The following ABCC4 variants were observed in gnomAD, a reference collection of about 807,000 sequenced individuals.
ABCC4 encodes the protein ATP binding cassette subfamily C member 4 (PEL blood group), also known as ATP-binding cassette sub-family C member 4.
Under a neutral mutation model 168.5 loss-of-function variants are expected in ABCC4, and 102 were observed. The observed-to-expected ratio is 0.61, with a 90% CI of 0.52 to 0.71. The LOEUF (loss-of-function observed/expected upper bound fraction) is 0.71. Ranked by LOEUF, ABCC4 falls within the 30% of genes least tolerant of loss-of-function variation. The pLI is 0.00. For synonymous variants in ABCC4, 617 were observed against 590.7 expected, an observed-to-expected ratio of 1.04 and a Z score of -0.65; for missense variants, 1,402 against 1,605.8, an observed-to-expected ratio of 0.87 and a Z score of 2.17.
intron 1 of ABCC4, among the ~76,000 whole-genome samples, chr13:95,272,278 T>C (rs150486098): frequency 0.025 from 3,251 of 128,162 alleles, 65 homozygotes; most frequent in Middle Eastern, 0.034. Flanking sequence ...ACTCCTGACC[T>C]CAGGTGATCC....
chr13:95,111,112 T>C (rs970433465), intron 20 of ABCC4, among the ~76,000 whole-genome samples: 2 of 152,230 alleles, frequency 1.3e-5, no homozygotes, highest in Non-Finnish European at 2.9e-5. Context: ...AATGCCAAAT[T>C]CCTATTCAAA....
intron 14 of ABCC4, among the ~76,000 whole-genome samples, chr13:95,168,077 A>G (rs936054240): frequency 3.3e-5 from 5 of 152,158 alleles, no homozygotes; most frequent in Non-Finnish European, 7.3e-5. Flanking sequence ...CATGTTGGCC[A>G]GGTTGGTCTC....
At chr13:95,057,871 T>C (rs540800312) in intron 26 of ABCC4, among the ~76,000 whole-genome samples, 1 of 152,350 alleles carries the variant, frequency 6.6e-6, no homozygotes, top group Non-Finnish European at 1.5e-5. Context: ...CAGTGTGTGG[T>C]GACACAAGCC....
chr13:95,293,345 C>T (rs1271218263), intron 1 of ABCC4, among the ~76,000 whole-genome samples: 1 of 151,518 alleles, frequency 6.6e-6, no homozygotes, highest in African/African-American at 2.4e-5. Context: ...GCGACAGAGA[C>T]TCCATCTCAA....
intron 26 of ABCC4, among the ~76,000 whole-genome samples, chr13:95,054,161 T>C (rs1409536600): frequency 6.6e-6 from 1 of 151,578 alleles, no homozygotes; most frequent in Admixed American, 6.6e-5. Flanking sequence ...TTATCTCATC[T>C]GTGCATCAAG....
intron 26 of ABCC4, among the ~76,000 whole-genome samples, chr13:95,057,527 C>T (rs148655494): frequency 0.016 from 2,502 of 152,196 alleles, 82 homozygotes; most frequent in African/African-American, 0.058. Flanking sequence ...CGTGAGCCAC[C>T]GTGCCCGGCC....
chr13:95,216,540 T>C (rs1386073654), intron 4 of ABCC4, among the ~76,000 whole-genome samples: 1 of 145,440 alleles, frequency 6.9e-6, no homozygotes, highest in Non-Finnish European at 1.5e-5. Context: ...CCCCTACATA[T>C]CGATATGAAT....
At chr13:95,096,208 A>G in intron 20 of ABCC4, 2 of 632,216 alleles carry the variant, frequency 3.2e-6, no homozygotes, top group Non-Finnish European at 5.6e-6. Flanking sequence ...AACATATTCA[A>G]TGGGCTGGCA....
chr13:95,246,154 GT>G (rs2040099797), intron 3 of ABCC4, among the ~76,000 whole-genome samples: 1 of 152,164 alleles, frequency 6.6e-6, no homozygotes, highest in Non-Finnish European at 1.5e-5. Flanking sequence ...GGTAACAGAG[GT>G]TATTGCCCTT....
intron 1 of ABCC4, among the ~76,000 whole-genome samples, chr13:95,287,026 C>A (rs928807101): frequency 6.6e-6 from 1 of 151,320 alleles, no homozygotes; most frequent in Non-Finnish European, 1.5e-5. Flanking sequence ...TGACCGGGCA[C>A]GATGGCTCAC....
chr13:95,209,894 C>A (rs936836860), intron 5 of ABCC4, among the ~76,000 whole-genome samples: 1 of 152,234 alleles, frequency 6.6e-6, no homozygotes, highest in Non-Finnish European at 1.5e-5. Context: ...CTCTCTGCCA[C>A]AGAATTCAGC....
chr13:95,064,260 GTATATATATATATATATATA>G (rs753635232), intron 25 of ABCC4, among the ~76,000 whole-genome samples: 1 of 21,506 alleles, frequency 4.6e-5, no homozygotes, highest in African/African-American at 2.2e-4. Flanking sequence ...GTGTGTGTGT[GTATATATATATATATATATA>G]TATATATATA....
intron 10 of ABCC4, among the ~76,000 whole-genome samples, 161 bp from the exon 11 acceptor site, chr13:95,187,053 T>C (rs372741871): frequency 1.1e-3 from 166 of 152,208 alleles, no homozygotes; most frequent in African/African-American, 3.6e-3. Context: ...AACATAATGG[T>C]CCACATAAAC....
chr13:95,061,361 CA>C (rs1566381500), intron 26 of ABCC4, among the ~76,000 whole-genome samples: 1 of 152,058 alleles, frequency 6.6e-6, no homozygotes, highest in East Asian at 1.9e-4. Flanking sequence ...TCACATCCTC[CA>C]AATTACTTAA....
At position 95,268,786 on chromosome 13, in the gene ABCC4, C is replaced by T. The variant is rs567866367; in HGVS notation, c.75-21033G>A. On this transcript the variant is annotated intron_variant, in intron 1 of 30. Transcript: ENST00000645237. Reference sequence around the variant, plus strand: ...ATTACCCTATTGTCCTGCCACATCCCCCTCTCCGAGAAATAATGATCAATA... The same window carrying T: ...ATTACCCTATTGTCCTGCCACATCCTCCTCTCCGAGAAATAATGATCAATA... Among the ~76,000 whole-genome samples the T allele has an allele frequency of 1.4e-3, 211 of 152,294 alleles. 3 individuals carry two copies. The highest frequency in any genetic ancestry group is 4.6e-3 in the African/African-American group (191 of 41,566).
In ABCC4 at chr13:95,247,855, T is replaced by C. The variant is rs981874893; in HGVS notation, c.75-102A>G. The C allele has an allele frequency of 6.3e-5, 49 of 776,048 alleles. No homozygotes were observed. In the Admixed American group the frequency reaches 1.0e-3, roughly 17 times the overall value. 48.1% of individuals were successfully genotyped at this position (776,048 alleles called of 1,614,324 possible). A position where few individuals can be genotyped will look rare whatever the true frequency, so the allele number is the denominator to read the frequency against. ...TGCTTAAACTTACCTTTAAAATACATACAGCTATATATAGACAGACAGATA... is the reference window on the plus strand; with the variant it reads ...TGCTTAAACTTACCTTTAAAATACACACAGCTATATATAGACAGACAGATA... On this transcript the variant is annotated intron_variant, in intron 1 of 30. Transcript: ENST00000645237.
chr13:95,178,927 T>C (rs757932692), intron 11 of ABCC4, among the ~76,000 whole-genome samples: 10 of 152,066 alleles, frequency 6.6e-5, no homozygotes, highest in Non-Finnish European at 7.4e-5. Flanking sequence ...GTTTGTGTTG[T>C]GATAGAAAAA....
In ABCC4 at chr13:95,186,831, TGC is replaced by T; in HGVS notation, c.1413_1414del (p.His472TrpfsTer20). 1 of 1,614,150 alleles carries T rather than the reference TGC, an allele frequency of 6.2e-7. No homozygotes were observed. The highest frequency in any genetic ancestry group is 1.3e-5 in the African/African-American group (1 of 75,044). Reference sequence around the variant, plus strand: ...CTGAGACACATAGGCAATTCTTCCATGCACGCTGACCAGCCCGTGACTTGGGG... The same window carrying T: ...CTGAGACACATAGGCAATTCTTCCATACGCTGACCAGCCCGTGACTTGGGG... On this transcript the variant is annotated frameshift_variant, in exon 11 of 31. Transcript: ENST00000645237. LOFTEE classifies it high-confidence loss of function.
At chr13:95,121,431 GTTTT>G (rs567192252) in intron 19 of ABCC4, among the ~76,000 whole-genome samples, 1 of 138,518 alleles carries the variant, frequency 7.2e-6, no homozygotes, top group African/African-American at 2.6e-5. Flanking sequence ...GTTTTTTTTT[GTTTT>G]TTTTTTTTTG....
Sources: allele counts gnomAD v4.1 joint callset (sites outside exome capture counted in the v4.1 genomes callset), GRCh38; gene constraint gnomAD v4.1.1; transcripts MANE v1.5; gene names NCBI Gene and HGNC (gene_info 2026-07-23, HGNC 2026-07-21).